NEK2: variants seen among roughly 807,000 people sequenced by gnomAD.
NEK2 encodes NIMA related kinase 2.
A neutral mutation model predicts 54.1 loss-of-function variants in NEK2; 28 were observed. The ratio of observed to expected loss-of-function variants is 0.52; its 90% CI spans 0.38 to 0.71. NEK2 has a LOEUF of 0.71. Ranked by LOEUF, NEK2 falls within the 30% of genes least tolerant of loss-of-function variation. NEK2 has a pLI of 0.00. For missense variants in NEK2, 407 were observed against 531.5 expected (o/e 0.77, Z 2.30); for synonymous variants, 176 against 193.1 (o/e 0.91, Z 0.73).
rs200747370 is a variant in NEK2, at chr1:211,663,516, C to T, written c.1248G>A (p.Arg416=). Residue 416 remains arginine (R), a synonymous_variant, in exon 8 of 8, where the codon AGG becomes AGA. Transcript: ENST00000366999. Reference sequence around the variant, plus strand: ...GAGCCCGCAGCTGGGCAGCGTGAAGCCTTTTCTTCAGGTCCTTGCACTTGG... The same window carrying T: ...GAGCCCGCAGCTGGGCAGCGTGAAGTCTTTTCTTCAGGTCCTTGCACTTGG... The part of the protein sequence containing the change: ...SKSKCKDLKK[R]LHAAQLRAQA... 6.2e-7 allele frequency: 1 copy of T among 1,613,856 alleles called. No individual in the cohort carries two copies. Among genetic ancestry groups the T allele is most frequent in the African/African-American group, 1.3e-5 (1 of 74,922 alleles).
In NEK2 at chr1:211,671,279, T is replaced by A. The variant is rs566646481; in HGVS notation, c.561A>T (p.Gln187His). The change falls in exon 4 of 8, where the codon CAA (glutamine) becomes CAT (histidine). Residue 187 changes from glutamine to histidine, a missense_variant. By Grantham distance (24) the Gln-to-His change is conservative. Transcript: ENST00000366999. ...TCTCATTGTAGGACATGCGATTCAT[T>A]TGTTCCTATACAGGGAAAAAGGGTA... is the stretch of plus-strand genomic sequence containing the variant. The part of the protein sequence containing the change: ...VGTPYYMSPE[Q>H]MNRMSYNEKS... The A allele has an allele frequency of 4.7e-5, 76 of 1,612,648 alleles. No homozygotes were observed. The highest frequency in any genetic ancestry group is 6.1e-5 in the Non-Finnish European group (72 of 1,178,710).
downstream of NEK2, among the ~76,000 whole-genome samples, chr1:211,659,609 C>T (rs1654965907): frequency 6.6e-6 from 1 of 152,186 alleles, no homozygotes; most frequent in Non-Finnish European, 1.5e-5. Context: ...CAAACAGCAA[C>T]ACCATTGTGT....
chr1:211,665,819 C>CT (rs1655161437), intron 7 of NEK2, among the ~76,000 whole-genome samples: 1 of 152,184 alleles, frequency 6.6e-6, no homozygotes, highest in African/African-American at 2.4e-5. Context: ...GATCATCAAT[C>CT]TAACTTAAGT....
At chr1:211,670,175 T>C in intron 5 of NEK2, 106 bp downstream of exon 5, 1 of 1,175,980 alleles carries the variant, frequency 8.5e-7, no homozygotes, top group South Asian at 1.8e-5. Flanking sequence ...GCTAAGAAAG[T>C]ATATTTAACG....
At chr1:211,660,840 A>T (rs1489544692), downstream of NEK2, 15 of 710,392 alleles carry the variant, frequency 2.1e-5, no homozygotes, top group East Asian at 4.2e-4. Context: ...GGCAGTAGAT[A>T]CATGCTTCCA....
intron 6 of NEK2, among the ~76,000 whole-genome samples, chr1:211,668,021 G>C (rs940001638): frequency 4.6e-5 from 7 of 151,836 alleles, no homozygotes; most frequent in African/African-American, 1.7e-4. Context: ...ACTTCAGCCT[G>C]GGCAACAAGA....
At chr1:211,673,122 G>C (rs1207832717) in intron 3 of NEK2, among the ~76,000 whole-genome samples, 1 of 151,648 alleles carries the variant, frequency 6.6e-6, no homozygotes, top group Non-Finnish European at 1.5e-5. Context: ...ATTAAAAGAT[G>C]TTTTGGCTGG....
At chr1:211,663,745 G>T in intron 7 of NEK2, 93 bp from the exon 8 acceptor site, 2 of 1,244,496 alleles carry the variant, frequency 1.6e-6, no homozygotes, top group Non-Finnish European at 1.1e-6. Flanking sequence ...TGCTCTTATG[G>T]CTCACATTTG....
In NEK2 at chr1:211,674,888, T is replaced by C. The variant is rs186120681; in HGVS notation, c.97-375A>G. Among the ~76,000 whole-genome samples, 964 of 152,292 alleles carry C rather than the reference T, an allele frequency of 6.3e-3. 3 individuals are homozygous for C. Among genetic ancestry groups the C allele is most frequent in the Non-Finnish European group, 0.011 (733 of 68,002 alleles). On this transcript the variant is annotated intron_variant, in intron 1 of 7. Coordinates refer to ENST00000366999, the MANE Select transcript of NEK2 (RefSeq NM_002497.4). Reference sequence around the variant, plus strand: ...CCAGGATGAGACACCTTGGTAAAGATCCCTCCATCAGCAGCCAGGCAGTTT... The same window carrying C: ...CCAGGATGAGACACCTTGGTAAAGACCCCTCCATCAGCAGCCAGGCAGTTT...
intron 3 of NEK2, among the ~76,000 whole-genome samples, 169 bp from the exon 4 acceptor site, chr1:211,671,453 A>G (rs1655389303): frequency 6.6e-6 from 1 of 152,246 alleles, no homozygotes; most frequent in Non-Finnish European, 1.5e-5. Context: ...TCTTGTTCCA[A>G]TACACTCCAT....
intron 5 of NEK2, chr1:211,669,652 G>A (rs938355751): frequency 1.3e-5 from 4 of 311,476 alleles, no homozygotes; most frequent in Non-Finnish European, 2.4e-5. Flanking sequence ...TTTAGGGGAA[G>A]TACTGCCCTT....
intron 4 of NEK2, 150 bp downstream of exon 4, chr1:211,671,052 G>A (rs992782106): frequency 4.8e-6 from 3 of 629,578 alleles, no homozygotes; most frequent in Non-Finnish European, 8.5e-6. Flanking sequence ...CTTTTAGCCT[G>A]TTCATCTATC....
intron 3 of NEK2, among the ~76,000 whole-genome samples, chr1:211,672,860 T>A (rs1226831791): frequency 6.6e-6 from 1 of 152,142 alleles, no homozygotes; most frequent in Non-Finnish European, 1.5e-5. Flanking sequence ...GAACTGAATA[T>A]GCTTTAATTT....
Position 211,670,263 on chromosome 1 carries a change from T to G in NEK2, c.765+18A>C. The G allele has an allele frequency of 6.2e-7, 1 of 1,602,302 alleles. No homozygotes were observed. The highest frequency in any genetic ancestry group is 2.2e-5 in the East Asian group (1 of 44,746). On this transcript the variant is annotated intron_variant, in intron 5 of 7. Transcript: ENST00000366999. ...CTGACAGCTAGAAACAGACAATATA[T>G]CATCTTATCATCTTTACCTTTAAGT...
intron 1 of NEK2, 128 bp from the exon 2 acceptor site, chr1:211,674,641 G>A: frequency 1.4e-6 from 1 of 700,990 alleles, no homozygotes; most frequent in Non-Finnish European, 2.3e-6. Context: ...ATCTAATTTA[G>A]TTCAATGAAC....
chr1:211,673,624 C>T lies in NEK2; in HGVS notation c.414G>A (p.Leu138=). ...CATTGGCTGGTTTCAGATCCCGATG[C>T]AATACGGTATGACCACCATCACTTC... The part of the protein sequence containing the change: ...HRRSDGGHTV[L]HRDLKPANVF... Residue 138 remains leucine (L), a synonymous_variant, in exon 3 of 8, where the codon TTG becomes TTA. Coordinates refer to ENST00000366999, the MANE Select transcript of NEK2 (RefSeq NM_002497.4). The T allele has an allele frequency of 6.2e-7, 1 of 1,614,176 alleles. No homozygotes were observed. The highest frequency in any genetic ancestry group is 8.5e-7 in the Non-Finnish European group (1 of 1,180,040).
At position 211,674,855 on chromosome 1, in the gene NEK2, G is replaced by A. The variant is rs538601177; in HGVS notation, c.97-342C>T. The stretch of plus-strand genomic sequence containing the variant: ...GTCCCTGCCCCATTCCACCCCAGTC[G>A]TGTTTTCCCAGGATGAGACACCTTG... On this transcript the variant is annotated intron_variant, in intron 1 of 7. Coordinates refer to ENST00000366999, the MANE Select transcript of NEK2 (RefSeq NM_002497.4). Among the ~76,000 whole-genome samples, 10 of 152,304 alleles carry A rather than the reference G, an allele frequency of 6.6e-5. No individual in the cohort carries two copies. In the South Asian group the frequency reaches 1.0e-3, roughly 16 times the overall value.
At chr1:211,675,099 T>A (rs1655536921) in intron 1 of NEK2, among the ~76,000 whole-genome samples, 1 of 152,182 alleles carries the variant, frequency 6.6e-6, no homozygotes, top group African/African-American at 2.4e-5. Flanking sequence ...AGCTCAGGAA[T>A]TAGTTACCTG....
intron 3 of NEK2, among the ~76,000 whole-genome samples, chr1:211,671,680 C>A (rs182526801): frequency 2.0e-5 from 3 of 152,260 alleles, no homozygotes; most frequent in Admixed American, 6.5e-5. Flanking sequence ...TTGAATTATC[C>A]ATTTATATTT....
Sources: allele counts gnomAD v4.1 joint callset (sites outside exome capture counted in the v4.1 genomes callset), GRCh38; gene constraint gnomAD v4.1.1; transcripts MANE v1.5; gene names NCBI Gene and HGNC (gene_info 2026-07-23, HGNC 2026-07-21).